Variants in LEKR1 observed in about 807,000 individuals in gnomAD.
The protein encoded by LEKR1 is leucine, glutamate and lysine rich 1.
A neutral mutation model predicts 72.4 loss-of-function variants in LEKR1; 59 were observed. The observed-to-expected ratio is 0.82, with a 90% CI of 0.66 to 1.01. The LOEUF (loss-of-function observed/expected upper bound fraction) is 1.01, where lower values mean the gene tolerates loss of function less well. Among genes scored for constraint, LEKR1 ranks in the 50% least tolerant of loss-of-function variants. The probability of loss-of-function intolerance (pLI) is 0.00; values close to 1 mark genes in which losing one functional copy is unlikely to be tolerated. For synonymous variants in LEKR1, 257 were observed against 263.2 expected, an observed-to-expected ratio of 0.98 and a Z score of 0.23; for missense variants, 728 against 759.2, an observed-to-expected ratio of 0.96 and a Z score of 0.48.
intron 6 of LEKR1, among the ~76,000 whole-genome samples, chr3:156,946,041 A>G (rs1288125878): frequency 6.6e-6 from 1 of 151,800 alleles, no homozygotes; most frequent in Non-Finnish European, 1.5e-5. Context: ...TGCTTTGGGT[A>G]GTATGGACAT....
At chr3:157,039,231 G>A (rs1243438868) in intron 12 of LEKR1, among the ~76,000 whole-genome samples, 1 of 152,096 alleles carries the variant, frequency 6.6e-6, no homozygotes, top group African/African-American at 2.4e-5. Flanking sequence ...AAAAACATTG[G>A]CATCATGGGT....
At chr3:156,832,295 C>G (rs756648972) in intron 2 of LEKR1, among the ~76,000 whole-genome samples, 11 of 152,168 alleles carry the variant, frequency 7.2e-5, no homozygotes, top group Non-Finnish European at 1.5e-4. Context: ...AGGTGAATGA[C>G]CCCAAGAATC....
intron 2 of LEKR1, among the ~76,000 whole-genome samples, chr3:156,829,812 T>C (rs1712126044): frequency 1.3e-5 from 2 of 152,176 alleles, no homozygotes; most frequent in South Asian, 4.1e-4. Flanking sequence ...TCCACTTATA[T>C]GTGGGTTTTT....
intron 6 of LEKR1, among the ~76,000 whole-genome samples, chr3:156,947,557 G>T (rs540632928): frequency 9.3e-5 from 14 of 151,106 alleles, no homozygotes; most frequent in Non-Finnish European, 1.6e-4. Flanking sequence ...ACAAATTTTT[G>T]ACTTTACTGT....
At chr3:156,839,121 G>A (rs931934225) in intron 2 of LEKR1, among the ~76,000 whole-genome samples, 8 of 152,210 alleles carry the variant, frequency 5.3e-5, no homozygotes, top group African/African-American at 1.7e-4. Flanking sequence ...TTGTGCAAAT[G>A]TAGTCAGGTT....
chr3:156,870,297 A>C (rs569131029), intron 3 of LEKR1, among the ~76,000 whole-genome samples: 1 of 152,066 alleles, frequency 6.6e-6, no homozygotes, highest in Non-Finnish European at 1.5e-5. Flanking sequence ...GGTCATTGCT[A>C]TGGTCATTTT....
intron 2 of LEKR1, among the ~76,000 whole-genome samples, chr3:156,842,113 C>T (rs1035648640): frequency 6.6e-5 from 10 of 152,194 alleles, no homozygotes; most frequent in African/African-American, 2.4e-4. Flanking sequence ...CCCCCCAGTC[C>T]ATGGGAAAAT....
At chr3:156,876,013 A>G (rs898835575) in intron 3 of LEKR1, among the ~76,000 whole-genome samples, 5 of 151,372 alleles carry the variant, frequency 3.3e-5, no homozygotes, top group Non-Finnish European at 5.9e-5. Flanking sequence ...AAAAAAAAAA[A>G]AAAGAAATGA....
chr3:156,922,415 GA>G (rs757159527), intron 4 of LEKR1, among the ~76,000 whole-genome samples: 2,210 of 137,430 alleles, frequency 0.016, 26 homozygotes, highest in Non-Finnish European at 0.018. Context: ...AATGTGGGAT[GA>G]AAAAAAAAAA....
intron 12 of LEKR1, among the ~76,000 whole-genome samples, chr3:157,031,701 A>C (rs1734623682): frequency 6.6e-6 from 1 of 152,198 alleles, no homozygotes. Context: ...AGCTGCATTT[A>C]AGTGGAAAAC....
Position 156,920,580 on chromosome 3 carries a change from A to C in LEKR1, c.269A>C (p.Tyr90Ser). 1 of 1,457,850 alleles carries C rather than the reference A, an allele frequency of 6.9e-7. No homozygotes were observed. Among genetic ancestry groups the C allele is most frequent in the East Asian group, 2.5e-5 (1 of 39,962 alleles). The allele number at this position is 1,457,850 out of a possible 1,614,324, so 90.3% of individuals were successfully genotyped here. The change falls in exon 4 of 13, where the codon TAC becomes TCC. Residue 90 changes from tyrosine to serine, a missense_variant. Coordinates refer to ENST00000356539, the MANE Select transcript of LEKR1 (RefSeq NM_001004316.3). ...ATGTTTGTTTATATTTTTAGAATTT[A>C]CGATGTAGGCATGCAGTTAAAAAGT... is the stretch of plus-strand genomic sequence containing the variant. ...IDNKSKTERI[Y>S]DVGMQLKSQQ...
intron 3 of LEKR1, among the ~76,000 whole-genome samples, chr3:156,909,342 C>T (rs1190863855): frequency 6.6e-6 from 1 of 151,644 alleles, no homozygotes; most frequent in East Asian, 1.9e-4. Context: ...TCTATTTGGC[C>T]CAAGGATTAT....
chr3:156,920,566 T>A lies in LEKR1; in HGVS notation c.264-9T>A. The A allele has an allele frequency of 6.9e-7, 1 of 1,442,562 alleles. No individual in the cohort carries two copies. Among genetic ancestry groups the A allele is most frequent in the Non-Finnish European group, 9.3e-7 (1 of 1,075,202 alleles). 89.4% of individuals were successfully genotyped at this position (1,442,562 alleles called of 1,614,324 possible). ...AGAATACTTAAGGAATGTTTGTTTA[T>A]ATTTTTAGAATTTACGATGTAGGCA... On this transcript the variant is annotated splice_polypyrimidine_tract_variant and intron_variant, in intron 3 of 12. Coordinates refer to ENST00000356539, the MANE Select transcript of LEKR1 (RefSeq NM_001004316.3).
At chr3:156,889,287 G>T (rs1720415062) in intron 3 of LEKR1, among the ~76,000 whole-genome samples, 2 of 130,640 alleles carry the variant, frequency 1.5e-5, no homozygotes, top group Admixed American at 8.9e-5. Flanking sequence ...AGCATGTTTT[G>T]TTTGTTGTTG....
At chr3:157,002,496 A>G (rs905875535) in intron 9 of LEKR1, among the ~76,000 whole-genome samples, 2 of 152,138 alleles carry the variant, frequency 1.3e-5, no homozygotes, top group Non-Finnish European at 2.9e-5. Flanking sequence ...TCATTCCTGT[A>G]TACGTTACTC....
chr3:156,843,894 C>G (rs546126320), intron 2 of LEKR1, among the ~76,000 whole-genome samples: 18 of 151,888 alleles, frequency 1.2e-4, no homozygotes, highest in African/African-American at 4.3e-4. Flanking sequence ...TTATTAAAAC[C>G]TTATGACAAA....
intron 3 of LEKR1, among the ~76,000 whole-genome samples, chr3:156,893,545 T>G (rs1191833736): frequency 1.3e-5 from 2 of 151,764 alleles, no homozygotes; most frequent in Non-Finnish European, 2.9e-5. Flanking sequence ...CTGAGTTGAT[T>G]CTGTCCTCAC....
intron 3 of LEKR1, among the ~76,000 whole-genome samples, chr3:156,915,683 G>A (rs1723568108): frequency 6.6e-6 from 1 of 151,870 alleles, no homozygotes; most frequent in Non-Finnish European, 1.5e-5. Flanking sequence ...TGCGTAGTTT[G>A]TAAATTTTGT....
intron 3 of LEKR1, among the ~76,000 whole-genome samples, chr3:156,891,421 G>T (rs552535067): frequency 5.9e-4 from 90 of 152,100 alleles, no homozygotes; most frequent in Non-Finnish European, 1.1e-3. Flanking sequence ...GAATTGAAGG[G>T]CTTATTAATC....
Sources: allele counts gnomAD v4.1 joint callset (sites outside exome capture counted in the v4.1 genomes callset), GRCh38; gene constraint gnomAD v4.1.1; transcripts MANE v1.5; gene names NCBI Gene and HGNC (gene_info 2026-07-23, HGNC 2026-07-21).